The following ACTR3B variants were observed in gnomAD, a reference collection of about 807,000 sequenced individuals.
ACTR3B encodes the protein actin related protein 3B.
ACTR3B carries 8 observed loss-of-function variants against 59.0 expected under a neutral mutation model. The observed-to-expected ratio is 0.14, with a 90% CI of 0.08 to 0.24. ACTR3B has a LOEUF of 0.24. Ranked by LOEUF, ACTR3B falls within the 10% of genes least tolerant of loss-of-function variation. The pLI, the probability that ACTR3B is intolerant of heterozygous loss-of-function variation, is 1.00. For synonymous variants in ACTR3B, 148 were observed against 197.9 expected, an observed-to-expected ratio of 0.75 and a Z score of 2.12; for missense variants, 245 against 552.3, an observed-to-expected ratio of 0.44 and a Z score of 5.58.
Position 152,832,429 on chromosome 7 carries a change from C to T in ACTR3B, c.951+7307C>T, listed in dbSNP as rs6974508. On this transcript the variant is annotated intron_variant, in intron 9 of 11. Transcript: ENST00000256001. Reference sequence around the variant, plus strand: ...GGGAGAGTAGCAGGTGAGGACAAGACGGCCTTAGCCTGAACCAGCAGAAAG... The same window carrying T: ...GGGAGAGTAGCAGGTGAGGACAAGATGGCCTTAGCCTGAACCAGCAGAAAG... 3.4e-3 allele frequency among the ~76,000 whole-genome samples: 518 copies of T among 152,296 alleles called. 2 individuals carry two copies. The highest frequency in any genetic ancestry group is 0.012 in the African/African-American group (500 of 41,552).
chr7:152,832,861 T>C (rs1037044819), intron 9 of ACTR3B, among the ~76,000 whole-genome samples: 1 of 152,208 alleles, frequency 6.6e-6, no homozygotes, highest in Non-Finnish European at 1.5e-5. Flanking sequence ...AACCACATTA[T>C]AGAGGGTCAT....
intron 1 of ACTR3B, among the ~76,000 whole-genome samples, chr7:152,778,750 G>C (rs1326634381): frequency 6.6e-6 from 1 of 151,122 alleles, no homozygotes; most frequent in East Asian, 2.0e-4. Flanking sequence ...GACCAATCTG[G>C]GCAACATAGG....
Position 152,825,230 on chromosome 7 carries a change from C to T in ACTR3B, c.951+108C>T, listed in dbSNP as rs1332920604. 6 of 1,146,076 alleles carry T rather than the reference C, an allele frequency of 5.2e-6. No homozygotes were observed. The Admixed American group carries it at 2.0e-4, about 37-fold the overall frequency. 71.0% of individuals were successfully genotyped at this position (1,146,076 alleles called of 1,614,324 possible). A position where few individuals can be genotyped will look rare whatever the true frequency, so the allele number is the denominator to read the frequency against. On this transcript the variant is annotated intron_variant, in intron 9 of 11. Transcript: ENST00000256001. ...TTACTAGTAAATATCCCTGTTTCAC[C>T]TTCTGTTTCATAGGATTTGTTAAAG...
intron 2 of ACTR3B, among the ~76,000 whole-genome samples, chr7:152,790,068 C>CTGCAGCCTTGACTT (rs2098190229): frequency 7.1e-6 from 1 of 140,592 alleles, no homozygotes; most frequent in South Asian, 2.3e-4. Context: ...TCATGACTCA[C>CTGCAGCCTTGACTT]TGCAGCCTTG....
chr7:152,766,326 A>G (rs2462114), intron 1 of ACTR3B, among the ~76,000 whole-genome samples: 70,328 of 151,812 alleles, frequency 0.46, 16,914 homozygotes, highest in Non-Finnish European at 0.51. Context: ...CCTCAGAGAC[A>G]CAGGGCCCAA....
chr7:152,789,891 G>C (rs1256944558), intron 2 of ACTR3B, among the ~76,000 whole-genome samples: 5 of 150,290 alleles, frequency 3.3e-5, no homozygotes, highest in Admixed American at 3.3e-4. Context: ...TTAATCTGAG[G>C]GTTTTTTTTA....
At chr7:152,792,232 T>G (rs2098198984) in intron 2 of ACTR3B, among the ~76,000 whole-genome samples, 1 of 152,136 alleles carries the variant, frequency 6.6e-6, no homozygotes, top group African/African-American at 2.4e-5. Context: ...CGATATACAT[T>G]GAATCTCATG....
intron 6 of ACTR3B, 104 bp from the exon 7 acceptor site, chr7:152,820,195 A>G (rs1796034783): frequency 6.4e-7 from 1 of 1,551,752 alleles, no homozygotes; most frequent in East Asian, 2.3e-5. Context: ...TGTCAGTGCC[A>G]TGAGGGGCAG....
intron 1 of ACTR3B, among the ~76,000 whole-genome samples, chr7:152,774,261 C>T (rs1023902810): frequency 5.3e-5 from 8 of 152,304 alleles, no homozygotes; most frequent in Admixed American, 5.2e-4. Flanking sequence ...CTCAGCCTCC[C>T]GAGTAGCTGG....
At chr7:152,782,099 T>C (rs907210189) in intron 1 of ACTR3B, among the ~76,000 whole-genome samples, 5 of 152,112 alleles carry the variant, frequency 3.3e-5, no homozygotes, top group Admixed American at 2.6e-4. Flanking sequence ...AATTAGCATA[T>C]GGTAAACCAT....
chr7:152,847,279 T>C (rs530236465), intron 9 of ACTR3B, among the ~76,000 whole-genome samples: 1 of 152,344 alleles, frequency 6.6e-6, no homozygotes, highest in Non-Finnish European at 1.5e-5. Context: ...TGATGTTTTC[T>C]TCGCGTCTGT....
chr7:152,781,454 G>T lies in ACTR3B; in HGVS notation c.45-1733G>T, dbSNP rs2098153738. 8.5e-5 allele frequency among the ~76,000 whole-genome samples: 13 copies of T among 152,194 alleles called. No individual in the cohort carries two copies. In the South Asian group the frequency reaches 2.7e-3, roughly 32 times the overall value. ...GCCATGTGCCAGGCACTGTGCCGGG[G>T]GTGTAGATATAACCATGAGAAAGGA... is the stretch of plus-strand genomic sequence containing the variant. On this transcript the variant is annotated intron_variant, in intron 1 of 11. Transcript: ENST00000256001.
At chr7:152,820,078 G>A (rs947171421) in intron 6 of ACTR3B, among the ~76,000 whole-genome samples, 1 of 152,178 alleles carries the variant, frequency 6.6e-6, no homozygotes, top group African/African-American at 2.4e-5. Flanking sequence ...AGAGTGTCAG[G>A]TTATTGGAAT....
At chr7:152,774,378 C>T (rs532835355) in intron 1 of ACTR3B, among the ~76,000 whole-genome samples, 6 of 152,218 alleles carry the variant, frequency 3.9e-5, no homozygotes, top group East Asian at 3.9e-4. Flanking sequence ...TCAGGTGATC[C>T]GCCTGCCTCG....
chr7:152,834,600 C>A (rs1372838168), intron 9 of ACTR3B, among the ~76,000 whole-genome samples: 1 of 152,188 alleles, frequency 6.6e-6, no homozygotes, highest in Non-Finnish European at 1.5e-5. Context: ...GATTGAAATT[C>A]TTTAAAAACA....
chr7:152,793,095 TTG>T (rs2098202926), intron 2 of ACTR3B, among the ~76,000 whole-genome samples: 1 of 149,254 alleles, frequency 6.7e-6, no homozygotes, highest in South Asian at 2.1e-4. Context: ...TGGATTTTTT[TTG>T]TTTTGTTTTG....
intron 1 of ACTR3B, among the ~76,000 whole-genome samples, chr7:152,781,585 G>A (rs1253879735): frequency 6.6e-6 from 1 of 152,206 alleles, no homozygotes; most frequent in Non-Finnish European, 1.5e-5. Context: ...GATGTAGCTT[G>A]TTAAAGACAC....
intron 4 of ACTR3B, chr7:152,811,289 C>T (rs909767251): frequency 6.7e-6 from 1 of 148,642 alleles, no homozygotes; most frequent in Non-Finnish European, 1.5e-5. Flanking sequence ...TCCAGTACTG[C>T]TCTAAGCACA....
At chr7:152,807,906 T>C (rs2098257405) in intron 4 of ACTR3B, among the ~76,000 whole-genome samples, 1 of 152,232 alleles carries the variant, frequency 6.6e-6, no homozygotes, top group African/African-American at 2.4e-5. Flanking sequence ...GAATTTATCA[T>C]TTGAACCATT....
Sources: gnomAD v4.1 joint callset for allele counts (sites outside exome capture counted in the v4.1 genomes callset) on GRCh38, gnomAD v4.1.1 for gene constraint, MANE v1.5 for transcripts, NCBI Gene and HGNC (gene_info 2026-07-23, HGNC 2026-07-21) for gene names.